Variants in CSMD1 observed in about 807,000 individuals in gnomAD.
The protein encoded by CSMD1 is CUB and sushi domain-containing protein 1.
CSMD1 carries 213 observed loss-of-function variants against 417.5 expected under a neutral mutation model. The observed-to-expected ratio is 0.51, with a 90% CI of 0.46 to 0.57. The LOEUF (loss-of-function observed/expected upper bound fraction) is 0.57, where lower values mean the gene tolerates loss of function less well. Among genes scored for constraint, CSMD1 ranks in the 20% least tolerant of loss-of-function variants. The pLI, the probability that CSMD1 is intolerant of heterozygous loss-of-function variation, is 0.00. For missense variants in CSMD1, 6,923 were observed against 4,529.7 expected (o/e 1.53, Z -15.17); for synonymous variants, 2,862 against 1,736.8 (o/e 1.65, Z -16.11).
intron 1 of CSMD1, among the ~76,000 whole-genome samples, chr8:4,695,987 G>A (rs1323443826): frequency 6.6e-6 from 1 of 152,184 alleles, no homozygotes; most frequent in African/African-American, 2.4e-5. Flanking sequence ...GAGAATGCCT[G>A]TGTTTAATCC....
At chr8:4,190,096 A>C (rs2131210738) in intron 3 of CSMD1, among the ~76,000 whole-genome samples, 1 of 151,694 alleles carries the variant, frequency 6.6e-6, no homozygotes, top group South Asian at 2.1e-4. Flanking sequence ...ATCTCTACTA[A>C]AAAATACAAA....
chr8:4,186,715 G>A (rs6985124), intron 3 of CSMD1, among the ~76,000 whole-genome samples: 126,618 of 151,704 alleles, frequency 0.83, 53,033 homozygotes, highest in South Asian at 0.94. Flanking sequence ...AGCGGCGTAC[G>A]GTCGCTCACA....
intron 26 of CSMD1, among the ~76,000 whole-genome samples, chr8:3,282,738 G>T (rs1802834040): frequency 6.6e-6 from 1 of 152,102 alleles, no homozygotes; most frequent in Admixed American, 6.6e-5. Context: ...GTAAGAAATT[G>T]TGCAGACTAT....
At chr8:3,716,375 G>T (rs1350987400) in intron 6 of CSMD1, among the ~76,000 whole-genome samples, 1 of 152,228 alleles carries the variant, frequency 6.6e-6, no homozygotes, top group Non-Finnish European at 1.5e-5. Flanking sequence ...CAGTCTTGAA[G>T]GCCGCTGGTT....
At chr8:3,802,198 C>G (rs1440249233) in intron 5 of CSMD1, among the ~76,000 whole-genome samples, 1 of 151,958 alleles carries the variant, frequency 6.6e-6, no homozygotes, top group Non-Finnish European at 1.5e-5. Context: ...TAAAGAAGGG[C>G]TTATCACACC....
At chr8:3,394,017 T>TC in intron 17 of CSMD1, among the ~76,000 whole-genome samples, 1 of 77,216 alleles carries the variant, frequency 1.3e-5, no homozygotes, top group South Asian at 4.4e-4. Flanking sequence ...ATAAATTATA[T>TC]ATATATATAT....
intron 2 of CSMD1, among the ~76,000 whole-genome samples, chr8:4,436,008 C>A (rs1354549775): frequency 6.6e-6 from 1 of 152,198 alleles, no homozygotes; most frequent in Non-Finnish European, 1.5e-5. Context: ...GAATTAACTT[C>A]ATACGCAGCA....
chr8:3,810,751 G>A (rs547800883), intron 5 of CSMD1, among the ~76,000 whole-genome samples: 6 of 152,214 alleles, frequency 3.9e-5, no homozygotes, highest in African/African-American at 1.4e-4. Context: ...TCAATTCCTG[G>A]CTTTGGCAAT....
rs553372718 is a variant in CSMD1 at position 4,351,147 on chromosome 8, C to G, written c.415+68806G>C. ...CAGTCCGGGCAACATAGCAAGGTCCCATCTCTAAAAAAAAAAAAAATTAGG... is the reference window on the plus strand; with the variant it reads ...CAGTCCGGGCAACATAGCAAGGTCCGATCTCTAAAAAAAAAAAAAATTAGG... On this transcript the variant is annotated intron_variant, in intron 3 of 69. Transcript: ENST00000635120. Among the ~76,000 whole-genome samples the G allele has an allele frequency of 9.3e-5, 14 of 150,792 alleles. 2 individuals are homozygous for G. Among genetic ancestry groups the G allele is most frequent in the African/African-American group, 3.4e-4 (14 of 40,914 alleles).
At chr8:3,286,172 C>G (rs1005035567) in intron 25 of CSMD1, among the ~76,000 whole-genome samples, 1 of 152,168 alleles carries the variant, frequency 6.6e-6, no homozygotes. Flanking sequence ...TTCTTTATGG[C>G]TGCATAGCAT....
intron 1 of CSMD1, among the ~76,000 whole-genome samples, chr8:4,655,121 T>G (rs1214104423): frequency 1.3e-5 from 2 of 152,036 alleles, no homozygotes; most frequent in Non-Finnish European, 2.9e-5. Flanking sequence ...ATTTCAAGGG[T>G]TTTGTCTTAC....
In CSMD1 at chr8:4,667,703, T is replaced by C. The variant is rs185030377; in HGVS notation, c.86-30145A>G. Among the ~76,000 whole-genome samples the C allele has an allele frequency of 2.5e-3, 379 of 152,356 alleles. 1 individual carries two copies. The highest frequency in any genetic ancestry group is 8.8e-3 in the African/African-American group (367 of 41,592). ...AGAAATTCAATGGATTTTTAAAATA[T>C]TGACCTTAAATCACATGGCATTATT... On this transcript the variant is annotated intron_variant, in intron 1 of 69. Transcript: ENST00000635120.
At chr8:3,609,643 A>C (rs1801789916) in intron 8 of CSMD1, among the ~76,000 whole-genome samples, 1 of 151,974 alleles carries the variant, frequency 6.6e-6, no homozygotes, top group Admixed American at 6.6e-5. Context: ...CATATTTACA[A>C]GGGCTACACT....
chr8:4,184,572 G>C (rs995939630), intron 3 of CSMD1, among the ~76,000 whole-genome samples: 1 of 152,068 alleles, frequency 6.6e-6, no homozygotes, highest in African/African-American at 2.4e-5. Flanking sequence ...GAGCATGGAT[G>C]GAGCTGTAGA....
chr8:4,417,215 G>C (rs1259001391), intron 3 of CSMD1, among the ~76,000 whole-genome samples: 2 of 152,036 alleles, frequency 1.3e-5, no homozygotes, highest in South Asian at 2.1e-4. Flanking sequence ...TGTTCCCACT[G>C]GATTTCCAGA....
At chr8:3,836,024 G>C (rs575255266) in intron 5 of CSMD1, among the ~76,000 whole-genome samples, 2 of 151,798 alleles carry the variant, frequency 1.3e-5, no homozygotes, top group African/African-American at 2.4e-5. Context: ...CTCATTTTCT[G>C]TTTCATTAGC....
chr8:3,047,389 T>C (rs995229161), intron 50 of CSMD1, among the ~76,000 whole-genome samples: 6 of 152,168 alleles, frequency 3.9e-5, no homozygotes, highest in African/African-American at 9.7e-5. Flanking sequence ...TTCTGTTTCA[T>C]GTCCTGTGCA....
At chr8:4,947,502 G>A (rs182346733) in intron 1 of CSMD1, among the ~76,000 whole-genome samples, 1 of 151,994 alleles carries the variant, frequency 6.6e-6, no homozygotes, top group Non-Finnish European at 1.5e-5. Context: ...AGAACCATGT[G>A]GTAATAACAT....
At chr8:3,901,385 A>C (rs1049658533) in intron 5 of CSMD1, among the ~76,000 whole-genome samples, 4 of 152,156 alleles carry the variant, frequency 2.6e-5, no homozygotes, top group African/African-American at 9.7e-5. Flanking sequence ...AGATGGGCAT[A>C]TTTCAGTAAA....
Sources: allele counts gnomAD v4.1 joint callset (sites outside exome capture counted in the v4.1 genomes callset), GRCh38; gene constraint gnomAD v4.1.1; transcripts MANE v1.5; gene names NCBI Gene and HGNC (gene_info 2026-07-23, HGNC 2026-07-21).